Variants in MARCHF10 observed in about 807,000 individuals in gnomAD.
The protein encoded by MARCHF10 is probable E3 ubiquitin-protein ligase MARCHF10.
A neutral mutation model predicts 76.2 loss-of-function variants in MARCHF10; 64 were observed. That is an observed-to-expected ratio of 0.84 (90% CI 0.69 to 1.03). MARCHF10 has a LOEUF of 1.03. Among genes scored for constraint, MARCHF10 ranks in the 50% least tolerant of loss-of-function variants. MARCHF10 has a pLI of 0.00. For synonymous variants in MARCHF10, 340 were observed against 357.5 expected (o/e 0.95, Z 0.55); for missense variants, 875 against 958.0 (o/e 0.91, Z 1.14).
At chr17:62,717,314 C>T (rs2090260707) in intron 8 of MARCHF10, among the ~76,000 whole-genome samples, 1 of 152,262 alleles carries the variant, frequency 6.6e-6, no homozygotes, top group African/African-American at 2.4e-5. Context: ...ACAGGGCGGG[C>T]CTGGCAGCCT....
At chr17:62,731,356 G>C (rs1222936208) in intron 6 of MARCHF10, among the ~76,000 whole-genome samples, 1 of 152,082 alleles carries the variant, frequency 6.6e-6, no homozygotes, top group Non-Finnish European at 1.5e-5. Flanking sequence ...TCTGCCTCCT[G>C]GGTTCAAGAG....
Position 62,738,096 on chromosome 17 carries a change from A to G in MARCHF10, c.536-764T>C, listed in dbSNP as rs2091361143. 6.6e-6 allele frequency among the ~76,000 whole-genome samples: 1 copy of G among 151,278 alleles called. No individual in the cohort carries two copies. Among genetic ancestry groups the G allele is most frequent in the Non-Finnish European group, 1.5e-5 (1 of 67,822 alleles). ...CACACACACACACACACACACACAC[A>G]CACAACTTAAGCCTCACAACCCTGT... On this transcript the variant is annotated intron_variant, in intron 5 of 10. Transcript: ENST00000311269. The surrounding 1 kb of genome is among the most constrained non-coding windows in gnomAD (Gnocchi z 4.0).
intron 4 of MARCHF10, 51 bp from the exon 5 acceptor site, chr17:62,744,579 C>G: frequency 6.3e-7 from 1 of 1,599,284 alleles, no homozygotes; most frequent in South Asian, 1.1e-5. Context: ...AGGAAAATGT[C>G]TTCCATATAA....
rs754418771 is a variant in MARCHF10, at chr17:62,705,583, T to G, written c.2329-2A>C. On this transcript the variant is annotated splice_acceptor_variant, in intron 9 of 10. Coordinates refer to ENST00000311269, the MANE Select transcript of MARCHF10 (RefSeq NM_152598.4). LOFTEE classifies it high-confidence loss of function. ...GGGTTGTGGGTAATTTCTTGACAAC[T>G]ACAAGAAAGAAGACAATGAGAAATG... The G allele has an allele frequency of 2.0e-5, 32 of 1,613,826 alleles. No individual in the cohort carries two copies. The highest frequency in any genetic ancestry group is 1.9e-5 in the Non-Finnish European group (23 of 1,179,940).
rs139631646 is a variant in MARCHF10 at position 62,718,910 on chromosome 17, C to A, written c.2214+3578G>T. Among the ~76,000 whole-genome samples the A allele has an allele frequency of 6.9e-3, 1,051 of 152,210 alleles. 12 individuals carry two copies. The highest frequency in any genetic ancestry group is 0.024 in the African/African-American group (1,006 of 41,520). On this transcript the variant is annotated intron_variant, in intron 8 of 10. Coordinates refer to ENST00000311269, the MANE Select transcript of MARCHF10 (RefSeq NM_152598.4). ...CTTTCTCTAACCTCCTGATGCCTAA[C>A]CTCTGTAATGCTGCTGTGGCATTAT...
rs1339073333 is a variant in MARCHF10, at chr17:62,737,046, T to C, written c.822A>G (p.Glu274=). ...TCAATGACAAAATGGAATAAAAGTC[T>C]TCATCTCGGAACCTAAATGATGCCT... is the stretch of plus-strand genomic sequence containing the variant. ...PRKASFRFRD[E]DFYSILSLNS... Residue 274 remains glutamate (E), a synonymous_variant, in exon 6 of 11, where the codon GAA becomes GAG. Transcript: ENST00000311269. 1 of 1,614,012 alleles carries C rather than the reference T, an allele frequency of 6.2e-7. No homozygotes were observed. The highest frequency in any genetic ancestry group is 1.3e-5 in the African/African-American group (1 of 74,898).
At chr17:62,720,731 G>C (rs1269585302) in intron 8 of MARCHF10, among the ~76,000 whole-genome samples, 1 of 152,130 alleles carries the variant, frequency 6.6e-6, no homozygotes, top group African/African-American at 2.4e-5. Flanking sequence ...GGTCCCCCTG[G>C]AATTTTTGAC....
In MARCHF10 at chr17:62,701,559, A is replaced by C; in HGVS notation, c.*144T>G. On this transcript the variant is annotated 3_prime_UTR_variant, in exon 11 of 11. Coordinates refer to ENST00000311269, the MANE Select transcript of MARCHF10 (RefSeq NM_152598.4). ...ATAGATGCTCAAGCCAGACCCCAAA[A>C]GAGAGTGGCACGAGGTGAAAATCTA... 6 of 1,552,918 alleles carry C rather than the reference A, an allele frequency of 3.9e-6. No homozygotes were observed. The highest frequency in any genetic ancestry group is 5.2e-6 in the Non-Finnish European group (6 of 1,151,094).
intron 1 of MARCHF10, among the ~76,000 whole-genome samples, chr17:62,807,292 A>T (rs1568240542): frequency 6.6e-6 from 1 of 152,112 alleles, no homozygotes. Flanking sequence ...GTGACTGCAG[A>T]GAAAAAGGGG....
chr17:62,716,233 T>C lies in MARCHF10; in HGVS notation c.2215-4889A>G, dbSNP rs556350427. 3.3e-5 allele frequency among the ~76,000 whole-genome samples: 5 copies of C among 152,266 alleles called. No homozygotes were observed. The East Asian group carries it at 9.6e-4, about 29-fold the overall frequency. ...CTGGTCGGTAGGGCCCTGCGGGTCT[T>C]GGGTACGGCAGCATTTTCGGCACAG... On this transcript the variant is annotated intron_variant, in intron 8 of 10. Transcript: ENST00000311269.
At chr17:62,719,355 T>C in intron 8 of MARCHF10, among the ~76,000 whole-genome samples, 1 of 152,222 alleles carries the variant, frequency 6.6e-6, no homozygotes, top group East Asian at 1.9e-4. Context: ...AGTATTTGCC[T>C]AAGAAAATCT....
rs761138228 is a variant in MARCHF10 at position 62,736,917 on chromosome 17, ACTT to A, written c.948_950del (p.Arg316del). 5.6e-6 allele frequency: 9 copies of A among 1,613,922 alleles called. No homozygotes were observed. The highest frequency in any genetic ancestry group is 5.5e-5 in the South Asian group (5 of 91,070). On this transcript the variant is annotated inframe_deletion, in exon 6 of 11. Coordinates refer to ENST00000311269, the MANE Select transcript of MARCHF10 (RefSeq NM_152598.4). ...GAGGGGTCGATGTCCCCCCAAATCT[ACTT>A]CTTTTGTGATGGGAAGGAGAACAGG...
intron 3 of MARCHF10, among the ~76,000 whole-genome samples, chr17:62,777,087 C>A (rs1006993879): frequency 6.6e-6 from 1 of 152,234 alleles, no homozygotes; most frequent in Non-Finnish European, 1.5e-5. Flanking sequence ...GCATTCTCCA[C>A]TCCAAGTCAC....
At chr17:62,781,990 C>A (rs2092667196) in intron 3 of MARCHF10, among the ~76,000 whole-genome samples, 2 of 152,262 alleles carry the variant, frequency 1.3e-5, no homozygotes, top group African/African-American at 4.8e-5. Context: ...TTTTCAGGTG[C>A]TGCAATCTCT....
chr17:62,748,614 C>T (rs887539192), intron 4 of MARCHF10, among the ~76,000 whole-genome samples: 2 of 152,096 alleles, frequency 1.3e-5, no homozygotes, highest in Non-Finnish European at 2.9e-5. Context: ...TGTGCTGGCA[C>T]ATACCTGTGG....
intron 2 of MARCHF10, among the ~76,000 whole-genome samples, chr17:62,800,625 A>G (rs1476463157): frequency 6.6e-6 from 1 of 152,188 alleles, no homozygotes; most frequent in East Asian, 1.9e-4. Context: ...GAAAAACCTG[A>G]TAACAGCAGT....
chr17:62,736,228 G>GT lies in MARCHF10; in HGVS notation c.1639dup (p.Thr547AsnfsTer68), dbSNP rs1253027166. On this transcript the variant is annotated frameshift_variant, in exon 6 of 11. Coordinates refer to ENST00000311269, the MANE Select transcript of MARCHF10 (RefSeq NM_152598.4). LOFTEE classifies it high-confidence loss of function. Reference sequence around the variant, plus strand: ...CCCCTGAGGCTGGCTTGTTAAAGTAGTATCTTCTGCTTCCCTGACAGCAAA... The same window carrying GT: ...CCCCTGAGGCTGGCTTGTTAAAGTAGTTATCTTCTGCTTCCCTGACAGCAAA... The GT allele has an allele frequency of 1.2e-6, 2 of 1,614,078 alleles. No individual in the cohort carries two copies. The highest frequency in any genetic ancestry group is 2.7e-5 in the African/African-American group (2 of 74,936).
In MARCHF10 at chr17:62,711,475, C is replaced by T; in HGVS notation, c.2215-131G>A. On this transcript the variant is annotated intron_variant, in intron 8 of 10. Coordinates refer to ENST00000311269, the MANE Select transcript of MARCHF10 (RefSeq NM_152598.4). This position sits in a 1 kb window ranked among gnomAD's most constrained non-coding sequence, Gnocchi z 4.4. ...AGCCCAAGCTCCAAGGCAAGGCCTG[C>T]TCTTGGGGACCAGAAGACAGAGCAG... 1.3e-6 allele frequency: 1 copy of T among 779,664 alleles called. No individual in the cohort carries two copies. The highest frequency in any genetic ancestry group is 2.1e-6 in the Non-Finnish European group (1 of 476,606). The allele number at this position is 779,664 out of a possible 1,614,324, so 48.3% of individuals were successfully genotyped here.
intron 4 of MARCHF10, among the ~76,000 whole-genome samples, chr17:62,754,362 T>C (rs1048202819): frequency 6.6e-6 from 1 of 152,198 alleles, no homozygotes; most frequent in Non-Finnish European, 1.5e-5. Flanking sequence ...CATGAGCCAC[T>C]GCGCCCGGCC....
Sources: allele counts gnomAD v4.1 joint callset (sites outside exome capture counted in the v4.1 genomes callset), GRCh38; gene constraint gnomAD v4.1.1; non-coding constraint Gnocchi (gnomAD v3.1); transcripts MANE v1.5; gene names NCBI Gene and HGNC (gene_info 2026-07-23, HGNC 2026-07-21).